The following ERC2 variants were observed in gnomAD, a reference collection of about 807,000 sequenced individuals.
ERC2 encodes the protein ERC protein 2.
A neutral mutation model predicts 114.8 loss-of-function variants in ERC2; 42 were observed. The ratio of observed to expected loss-of-function variants is 0.37; its 90% CI spans 0.29 to 0.47. The LOEUF is 0.47. ERC2 is among the 20% of genes least tolerant of loss of function. The pLI, the probability that ERC2 is intolerant of heterozygous loss-of-function variation, is 0.99. For missense variants in ERC2, 939 were observed against 1,150.7 expected (o/e 0.82, Z 2.66); for synonymous variants, 454 against 425.5 (o/e 1.07, Z -0.82).
chr3:56,158,171 A>G (rs1357896897), intron 4 of ERC2, among the ~76,000 whole-genome samples: 1 of 152,202 alleles, frequency 6.6e-6, no homozygotes, highest in African/African-American at 2.4e-5. Flanking sequence ...AGAATTTTTA[A>G]AGTAGGACAG....
At chr3:56,255,455 G>A (rs2052453999) in intron 3 of ERC2, among the ~76,000 whole-genome samples, 1 of 152,156 alleles carries the variant, frequency 6.6e-6, no homozygotes, top group Non-Finnish European at 1.5e-5. Context: ...CTATAAGGCT[G>A]TCCTCAGCCA....
intron 13 of ERC2, among the ~76,000 whole-genome samples, chr3:55,934,256 T>C (rs1007612177): frequency 1.3e-5 from 2 of 152,172 alleles, no homozygotes; most frequent in Non-Finnish European, 1.5e-5. Flanking sequence ...AGAACAGGCA[T>C]GCAAATCTTC....
chr3:55,567,138 C>T (rs1358315048), intron 17 of ERC2, among the ~76,000 whole-genome samples: 9 of 152,158 alleles, frequency 5.9e-5, no homozygotes, highest in Admixed American at 5.9e-4. Flanking sequence ...TACAAATATG[C>T]AAACAAGATC....
At chr3:56,158,743 A>C (rs569989927) in intron 4 of ERC2, among the ~76,000 whole-genome samples, 7 of 152,162 alleles carry the variant, frequency 4.6e-5, no homozygotes, top group South Asian at 2.1e-4. Flanking sequence ...CAAAAAAAAA[A>C]CCAAGAATTT....
At chr3:56,003,861 T>A (rs2072267758) in intron 10 of ERC2, among the ~76,000 whole-genome samples, 1 of 152,112 alleles carries the variant, frequency 6.6e-6, no homozygotes, top group East Asian at 1.9e-4. Flanking sequence ...TGTTGAAGAT[T>A]TAAATTTTTG....
At chr3:56,440,441 G>A (rs964602437) in intron 1 of ERC2, among the ~76,000 whole-genome samples, 2 of 151,858 alleles carry the variant, frequency 1.3e-5, no homozygotes, top group South Asian at 2.1e-4. Context: ...CCAGCTACTC[G>A]GGAGGCTGAG....
At chr3:56,220,785 T>G (rs13061788) in intron 3 of ERC2, among the ~76,000 whole-genome samples, 69,143 of 152,122 alleles carry the variant, frequency 0.45, 16,172 homozygotes, top group East Asian at 0.71. Flanking sequence ...GTCTGGGAAG[T>G]TGGGAAGTAC....
At chr3:56,446,522 A>G (rs971297435) in intron 1 of ERC2, among the ~76,000 whole-genome samples, 1 of 152,008 alleles carries the variant, frequency 6.6e-6, no homozygotes, top group Non-Finnish European at 1.5e-5. Context: ...TAGGAGGTTC[A>G]TTTATAAGGT....
chr3:56,112,428 GAC>G (rs2079009653), intron 6 of ERC2, among the ~76,000 whole-genome samples: 3 of 72,728 alleles, frequency 4.1e-5, no homozygotes, highest in African/African-American at 1.5e-4. Flanking sequence ...AGAAAAGACA[GAC>G]AGACACACAC....
intron 14 of ERC2, among the ~76,000 whole-genome samples, chr3:55,740,820 T>C (rs2065924762): frequency 1.3e-5 from 2 of 152,116 alleles, no homozygotes; most frequent in African/African-American, 4.8e-5. Context: ...CTAAGACAGG[T>C]TGAACATCCC....
At chr3:55,801,588 T>TG (rs2071055248) in intron 14 of ERC2, among the ~76,000 whole-genome samples, 1 of 152,200 alleles carries the variant, frequency 6.6e-6, no homozygotes, top group African/African-American at 2.4e-5. Context: ...TGAATGGGTA[T>TG]GAATTTATAA....
chr3:56,188,508 G>C (rs1325373506), intron 3 of ERC2, among the ~76,000 whole-genome samples: 1 of 152,192 alleles, frequency 6.6e-6, no homozygotes, highest in Non-Finnish European at 1.5e-5. Context: ...AACTTCCCTG[G>C]CTGCAGACAC....
rs2107608929 is a variant in ERC2, at chr3:56,468,314, G to A, written c.-207C>T. The A allele has an allele frequency of 6.5e-6, 1 of 152,726 alleles. No homozygotes were observed. Among genetic ancestry groups the A allele is most frequent in the South Asian group, 2.1e-4 (1 of 4,840 alleles). 9.5% of individuals were successfully genotyped at this position (152,726 alleles called of 1,614,324 possible). A position where few individuals can be genotyped will look rare whatever the true frequency, so the allele number is the denominator to read the frequency against. On this transcript the variant is annotated 5_prime_UTR_variant, in exon 1 of 18. Coordinates refer to ENST00000288221, the MANE Select transcript of ERC2 (RefSeq NM_015576.3). ...ACAACCTCTCGTCGCCTTGGCCCCG[G>A]GCGGCCAGGAGGAGCAGGAGCCGGC...
chr3:55,742,818 T>A (rs1311178142), intron 14 of ERC2, among the ~76,000 whole-genome samples: 1 of 152,176 alleles, frequency 6.6e-6, no homozygotes, highest in Non-Finnish European at 1.5e-5. Flanking sequence ...AAAGCTGTGT[T>A]TTCAAATGGC....
chr3:56,010,844 T>A (rs558305778), intron 8 of ERC2, among the ~76,000 whole-genome samples: 1 of 152,212 alleles, frequency 6.6e-6, no homozygotes, highest in Non-Finnish European at 1.5e-5. Flanking sequence ...TCAAGTTCTG[T>A]GGTTGCTCTT....
intron 3 of ERC2, among the ~76,000 whole-genome samples, chr3:56,295,321 C>T (rs1315347309): frequency 6.6e-6 from 1 of 152,034 alleles, no homozygotes; most frequent in African/African-American, 2.4e-5. Flanking sequence ...AATTTCAAAC[C>T]TTGGCAGTCA....
intron 3 of ERC2, among the ~76,000 whole-genome samples, chr3:56,193,187 A>G (rs1014500962): frequency 2.6e-5 from 4 of 152,230 alleles, no homozygotes; most frequent in Non-Finnish European, 5.9e-5. Flanking sequence ...TTGTTTTAAT[A>G]AGAAAATATA....
chr3:56,275,389 T>C (rs1392930469), intron 3 of ERC2, among the ~76,000 whole-genome samples: 1 of 152,154 alleles, frequency 6.6e-6, no homozygotes, highest in Non-Finnish European at 1.5e-5. Context: ...GGGTATACCC[T>C]TCTTGTTGCT....
chr3:56,011,833 G>T (rs757364684), intron 8 of ERC2, among the ~76,000 whole-genome samples: 3 of 152,040 alleles, frequency 2.0e-5, no homozygotes, highest in Non-Finnish European at 4.4e-5. Flanking sequence ...TGATAAATAA[G>T]ACAACTGTAA....
Sources: gnomAD v4.1 joint callset for allele counts (sites outside exome capture counted in the v4.1 genomes callset) on GRCh38, gnomAD v4.1.1 for gene constraint, MANE v1.5 for transcripts, NCBI Gene and HGNC (gene_info 2026-07-23, HGNC 2026-07-21) for gene names.